The following ALK variants were observed in gnomAD, a reference collection of about 807,000 sequenced individuals.
The protein encoded by ALK is ALK tyrosine kinase receptor.
A neutral mutation model predicts 163.1 loss-of-function variants in ALK; 74 were observed. The observed-to-expected ratio is 0.45, with a 90% CI of 0.38 to 0.55. ALK has a LOEUF of 0.55. Ranked by LOEUF, ALK falls within the 20% of genes least tolerant of loss-of-function variation. ALK has a pLI of 0.00. For missense variants in ALK, 2,063 were observed against 2,105.3 expected, an observed-to-expected ratio of 0.98 and a Z score of 0.39; for synonymous variants, 960 against 843.2, an observed-to-expected ratio of 1.14 and a Z score of -2.40.
intron 4 of ALK, among the ~76,000 whole-genome samples, chr2:29,523,766 A>G (rs1672876844): frequency 6.6e-6 from 1 of 151,546 alleles, no homozygotes; most frequent in Admixed American, 6.6e-5. Flanking sequence ...CATCCAGGGC[A>G]GAGTGAGAAA....
chr2:29,304,568 C>T (rs924651749), intron 8 of ALK, among the ~76,000 whole-genome samples: 33 of 151,952 alleles, frequency 2.2e-4, no homozygotes, highest in African/African-American at 7.0e-4. Flanking sequence ...TGTCCCTGTG[C>T]TCCTGTGACT....
chr2:29,216,540 A>G (rs1266861429), intron 23 of ALK, among the ~76,000 whole-genome samples: 1 of 152,186 alleles, frequency 6.6e-6, no homozygotes, highest in Non-Finnish European at 1.5e-5. Context: ...GAGCAGATTA[A>G]CTGCTCCACT....
chr2:29,741,109 A>G (rs1573598596), intron 1 of ALK, among the ~76,000 whole-genome samples: 1 of 152,364 alleles, frequency 6.6e-6, no homozygotes, highest in East Asian at 1.9e-4. Flanking sequence ...TGAAAGGACT[A>G]TAGACTGTAT....
Position 29,851,237 on chromosome 2 carries a change from C to T in ALK, c.667+68756G>A, listed in dbSNP as rs570033068. 2.0e-5 allele frequency among the ~76,000 whole-genome samples: 3 copies of T among 152,274 alleles called. No individual in the cohort carries two copies. The East Asian group carries it at 5.8e-4, about 29-fold the overall frequency. On this transcript the variant is annotated intron_variant, in intron 1 of 28. Transcript: ENST00000389048. ...AAAAGGCCCTTCTCTGCTCCAAACC[C>T]CTTAATGGCTTTCAATTGACCAGAG...
At chr2:29,536,527 T>C (rs1673260636) in intron 3 of ALK, among the ~76,000 whole-genome samples, 2 of 152,152 alleles carry the variant, frequency 1.3e-5, no homozygotes, top group Non-Finnish European at 2.9e-5. Flanking sequence ...TCTTTATAAA[T>C]TACCCAGCCT....
intron 3 of ALK, among the ~76,000 whole-genome samples, chr2:29,616,242 T>C (rs544882378): frequency 1.3e-5 from 2 of 152,298 alleles, no homozygotes; most frequent in East Asian, 1.9e-4. Context: ...GAGTTGGGAT[T>C]TGAAGATAGT....
intron 1 of ALK, among the ~76,000 whole-genome samples, chr2:29,732,683 G>C (rs962009734): frequency 3.9e-5 from 6 of 152,098 alleles, no homozygotes; most frequent in African/African-American, 1.2e-4. Flanking sequence ...TTTTGGCAGA[G>C]CTCTCATAAA....
chr2:29,622,030 TAACC>T (rs1025910990), intron 3 of ALK, among the ~76,000 whole-genome samples: 2 of 152,180 alleles, frequency 1.3e-5, no homozygotes, highest in African/African-American at 4.8e-5. Context: ...CAGTACAGGC[TAACC>T]TCATTTAGTG....
chr2:29,671,306 C>T (rs1465224367), intron 3 of ALK, among the ~76,000 whole-genome samples: 1 of 152,040 alleles, frequency 6.6e-6, no homozygotes, highest in South Asian at 2.1e-4. Context: ...TGTGGGAAGG[C>T]TGGCTAGCAG....
chr2:29,446,452 T>G (rs1177733253), intron 4 of ALK, among the ~76,000 whole-genome samples: 1 of 152,170 alleles, frequency 6.6e-6, no homozygotes, highest in Non-Finnish European at 1.5e-5. Flanking sequence ...ATAACTGGGA[T>G]TTGTCAACTA....
rs1439511320 is a variant in ALK, at chr2:29,543,859, C to T, written c.953-11743G>A. 2.0e-5 allele frequency among the ~76,000 whole-genome samples: 3 copies of T among 152,090 alleles called. No individual in the cohort carries two copies. In the East Asian group the frequency reaches 5.8e-4, roughly 29 times the overall value. On this transcript the variant is annotated intron_variant, in intron 3 of 28. Coordinates refer to ENST00000389048, the MANE Select transcript of ALK (RefSeq NM_004304.5). ...AGAATTTGTTCCTCCGTTGATAGTT[C>T]TCTATTTAATATAACTTCAGTGGGA... is the stretch of plus-strand genomic sequence containing the variant.
chr2:29,238,358 G>C (rs1445501025), intron 13 of ALK, among the ~76,000 whole-genome samples: 1 of 152,102 alleles, frequency 6.6e-6, no homozygotes, highest in South Asian at 2.1e-4. Flanking sequence ...CACCGCACCT[G>C]GCTAATTTTT....
intron 1 of ALK, among the ~76,000 whole-genome samples, chr2:29,794,163 G>A (rs532268788): frequency 5.3e-5 from 8 of 152,060 alleles, no homozygotes; most frequent in East Asian, 1.9e-4. Context: ...GCTTCACCTC[G>A]CACTTTCATG....
At chr2:29,316,509 T>G (rs1320530833) in intron 8 of ALK, among the ~76,000 whole-genome samples, 3 of 152,162 alleles carry the variant, frequency 2.0e-5, no homozygotes, top group African/African-American at 7.2e-5. Context: ...GATGAAGTAT[T>G]AGAATAATAT....
At chr2:29,412,274 C>G (rs1669742996) in intron 4 of ALK, among the ~76,000 whole-genome samples, 1 of 152,206 alleles carries the variant, frequency 6.6e-6, no homozygotes, top group Non-Finnish European at 1.5e-5. Flanking sequence ...CTCCATTTCA[C>G]TGAGACAGCA....
At chr2:29,919,940 T>C (rs1667942498) in intron 1 of ALK, 53 bp downstream of exon 1, 1 of 1,594,490 alleles carries the variant, frequency 6.3e-7, no homozygotes, top group Admixed American at 1.7e-5. Context: ...TGGTTGCATA[T>C]CAATGTGACT....
chr2:29,397,109 G>A (rs989224519), intron 4 of ALK, among the ~76,000 whole-genome samples: 4 of 152,058 alleles, frequency 2.6e-5, no homozygotes, highest in Non-Finnish European at 5.9e-5. Context: ...AAAAAGGTAT[G>A]TTTAAGTCTT....
chr2:29,309,000 G>GGA (rs1666622864), intron 8 of ALK, among the ~76,000 whole-genome samples: 1 of 152,028 alleles, frequency 6.6e-6, no homozygotes, highest in Non-Finnish European at 1.5e-5. Context: ...CAGTCACACT[G>GGA]TCATGGTGTG....
intron 3 of ALK, among the ~76,000 whole-genome samples, chr2:29,680,468 G>A (rs1284113175): frequency 6.6e-6 from 1 of 151,974 alleles, no homozygotes; most frequent in Non-Finnish European, 1.5e-5. Context: ...TGTTGAGCTG[G>A]TCTAGTGAAT....
Sources: gnomAD v4.1 joint callset for allele counts (sites outside exome capture counted in the v4.1 genomes callset) on GRCh38, gnomAD v4.1.1 for gene constraint, MANE v1.5 for transcripts, NCBI Gene and HGNC (gene_info 2026-07-23, HGNC 2026-07-21) for gene names.